FH: variants seen among roughly 807,000 people sequenced by gnomAD.
FH encodes fumarate hydratase.
Under a neutral mutation model 49.4 loss-of-function variants are expected in FH, and 22 were observed. That is an observed-to-expected ratio of 0.45 (90% CI 0.32 to 0.64). FH has a LOEUF of 0.64. Ranked by LOEUF, FH falls within the 30% of genes least tolerant of loss-of-function variation. FH has a pLI of 0.05. For synonymous variants in FH, 208 were observed against 223.0 expected (o/e 0.93, Z 0.60); for missense variants, 526 against 641.5 (o/e 0.82, Z 1.95).
At chr1:241,509,041 G>A (rs889482918) in intron 4 of FH, among the ~76,000 whole-genome samples, 1 of 148,564 alleles carries the variant, frequency 6.7e-6, no homozygotes, top group African/African-American at 2.5e-5. Context: ...TATGTATTAC[G>A]TATTATATTA....
chr1:241,511,879 G>A (rs1170048930), intron 4 of FH, 88 bp downstream of exon 4: 2 of 1,307,352 alleles, frequency 1.5e-6, no homozygotes, highest in Non-Finnish European at 2.2e-6. Context: ...AACACTTCTT[G>A]TCAAAAAGTG....
intron 3 of FH, among the ~76,000 whole-genome samples, chr1:241,513,088 CATATAA>C (rs1272665300): frequency 3.9e-5 from 6 of 151,948 alleles, no homozygotes; most frequent in Non-Finnish European, 5.9e-5. Flanking sequence ...TATAATTTAC[CATATAA>C]ATATAATTTA....
At position 241,513,561 on chromosome 1, in the gene FH, T is replaced by G. The variant is rs141270774; in HGVS notation, c.378+42A>C. The G allele has an allele frequency of 2.9e-6, 4 of 1,392,250 alleles. No homozygotes were observed. The South Asian group carries it at 4.6e-5, about 16-fold the overall frequency. The allele number at this position is 1,392,250 out of a possible 1,614,324, so 86.2% of individuals were successfully genotyped here. A position where few individuals can be genotyped will look rare whatever the true frequency, so the allele number is the denominator to read the frequency against. On this transcript the variant is annotated intron_variant, in intron 3 of 9. Coordinates refer to ENST00000366560, the MANE Select transcript of FH (RefSeq NM_000143.4). ...GCATATCGTCATCCAGAGTATGGCA[T>G]GGGTCTGAGGTTATTAAGCAAACAC... is the stretch of plus-strand genomic sequence containing the variant.
At chr1:241,501,735 T>C (rs1476597656) in intron 8 of FH, among the ~76,000 whole-genome samples, 1 of 152,202 alleles carries the variant, frequency 6.6e-6, no homozygotes, top group African/African-American at 2.4e-5. Context: ...CTATAACACT[T>C]TGTCCAAATG....
chr1:241,511,963 TG>T lies in FH; in HGVS notation c.555+3del, dbSNP rs1553341583. On this transcript the variant is annotated splice_donor_region_variant and intron_variant, in intron 4 of 9. Transcript: ENST00000366560. ...CCAAAAAACAGCAAAGCTCACATAC[TG>T]ACCTGGCTTTTATTAACATGATCGT... 1 of 1,613,856 alleles carries T rather than the reference TG, an allele frequency of 6.2e-7. No homozygotes were observed. The highest frequency in any genetic ancestry group is 1.7e-5 in the Admixed American group (1 of 60,024).
chr1:241,507,247 T>C (rs536036782), intron 5 of FH, among the ~76,000 whole-genome samples: 1 of 152,302 alleles, frequency 6.6e-6, no homozygotes, highest in Non-Finnish European at 1.5e-5. Context: ...TGCAGTAACA[T>C]GCTGCACAGA....
chr1:241,499,462 T>A (rs1486732960), intron 9 of FH, among the ~76,000 whole-genome samples: 2 of 152,214 alleles, frequency 1.3e-5, no homozygotes, highest in Non-Finnish European at 2.9e-5. Context: ...TAATTTTAAA[T>A]GGATCAAACA....
chr1:241,509,805 A>ATG lies in FH; in HGVS notation c.556-1021_556-1020insCA, dbSNP rs2147920371. 2.0e-5 allele frequency among the ~76,000 whole-genome samples: 3 copies of ATG among 151,764 alleles called. No homozygotes were observed. In the South Asian group the frequency reaches 6.2e-4, roughly 32 times the overall value. On this transcript the variant is annotated intron_variant, in intron 4 of 9. Transcript: ENST00000366560. The stretch of plus-strand genomic sequence containing the variant: ...CACACACACACACACACACACACAC[A>ATG]CACACACACACACACACACGCATGC...
intron 4 of FH, among the ~76,000 whole-genome samples, chr1:241,509,922 T>C (rs911514006): frequency 2.0e-5 from 3 of 152,222 alleles, no homozygotes; most frequent in African/African-American, 7.2e-5. Flanking sequence ...ATAAAGTACT[T>C]ACGAAAGAAG....
chr1:241,500,201 A>G (rs1384650461), intron 9 of FH, among the ~76,000 whole-genome samples: 4 of 152,138 alleles, frequency 2.6e-5, no homozygotes, highest in Non-Finnish European at 5.9e-5. Flanking sequence ...TTGAACTACT[A>G]CTTCTCGATA....
intron 8 of FH, 58 bp downstream of exon 8, chr1:241,502,384 CA>C (rs1217759816): frequency 5.6e-6 from 9 of 1,605,132 alleles, no homozygotes; most frequent in Non-Finnish European, 7.7e-6. Flanking sequence ...TTATGAAATA[CA>C]AAACCAAGAT....
chr1:241,504,207 G>C lies in FH; in HGVS notation c.943C>G (p.Leu315Val), dbSNP rs1573880536. ...FVTAPNKFEALAAHDALVELS... is the reference protein window; with the variant it reads ...FVTAPNKFEAVAAHDALVELS... ...TCAACCAGAGCGTCATGAGCAGCCA[G>C]AGCTTCAAATTTATTCGGAGCAGTG... Residue 315 changes from leucine (L) to valine (V), a missense_variant, in exon 7 of 10, where the codon CTG (leucine) becomes GTG (valine). Coordinates refer to ENST00000366560, the MANE Select transcript of FH (RefSeq NM_000143.4). The C allele has an allele frequency of 6.2e-7, 1 of 1,614,182 alleles. No individual in the cohort carries two copies. The highest frequency in any genetic ancestry group is 1.1e-5 in the South Asian group (1 of 91,082).
chr1:241,514,412 G>A (rs996323453), intron 2 of FH, among the ~76,000 whole-genome samples: 2 of 152,150 alleles, frequency 1.3e-5, no homozygotes, highest in Admixed American at 1.3e-4. Flanking sequence ...TATTTTCATT[G>A]TCTATCCCAA....
chr1:241,501,117 G>A (rs1218414483), intron 8 of FH, among the ~76,000 whole-genome samples: 1 of 152,142 alleles, frequency 6.6e-6, no homozygotes, highest in East Asian at 1.9e-4. Context: ...GAATACTCCA[G>A]TCACTGTAAA....
At chr1:241,504,536 G>A (rs1221285354) in intron 6 of FH, among the ~76,000 whole-genome samples, 1 of 151,964 alleles carries the variant, frequency 6.6e-6, no homozygotes, top group Non-Finnish European at 1.5e-5. Flanking sequence ...CAACCTCCAT[G>A]GCTCAGGCAA....
At position 241,497,606 on chromosome 1, in the gene FH, A is replaced by T. The variant is rs1277900426; in HGVS notation, c.*222T>A. ...AGTCAATTAACATAGGAGAAAATTTAAGTCTGTTTTCCTTTTTATTTTATA... is the reference window on the plus strand; with the variant it reads ...AGTCAATTAACATAGGAGAAAATTTTAGTCTGTTTTCCTTTTTATTTTATA... On this transcript the variant is annotated 3_prime_UTR_variant, in exon 10 of 10. Coordinates refer to ENST00000366560, the MANE Select transcript of FH (RefSeq NM_000143.4). 6 of 446,206 alleles carry T rather than the reference A, an allele frequency of 1.3e-5. No homozygotes were observed. The highest frequency in any genetic ancestry group is 2.0e-5 in the Non-Finnish European group (5 of 255,576). 27.6% of individuals were successfully genotyped at this position (446,206 alleles called of 1,614,324 possible). A position where few individuals can be genotyped will look rare whatever the true frequency, so the allele number is the denominator to read the frequency against.
chr1:241,501,605 A>G (rs896743305), intron 8 of FH, among the ~76,000 whole-genome samples: 1 of 152,244 alleles, frequency 6.6e-6, no homozygotes, highest in Admixed American at 6.5e-5. Flanking sequence ...AATGGTACTC[A>G]ATAAATATTT....
At chr1:241,498,692 A>G (rs1573876983) in intron 9 of FH, among the ~76,000 whole-genome samples, 1 of 54,160 alleles carries the variant, frequency 1.8e-5, no homozygotes, top group East Asian at 5.9e-4. Flanking sequence ...AAGCTGTCTT[A>G]ACATATATAT....
Position 241,500,454 on chromosome 1 carries a change from G to A in FH, c.1373C>T (p.Ala458Val), listed in dbSNP as rs758370443. 1 of 1,613,878 alleles carries A rather than the reference G, an allele frequency of 6.2e-7. No homozygotes were observed. Among genetic ancestry groups the A allele is most frequent in the Admixed American group, 1.7e-5 (1 of 60,006 alleles). ...ACACTTACCTATATGAGGATTGAGA[G>A]CTGTCACCAACATTAGAGACTCATT... ...LMNESLMLVT[A>V]LNPHIGYDKA... The change falls in exon 9 of 10, where the codon GCT (alanine) becomes GTT (valine). Residue 458 changes from alanine (A) to valine (V), a missense_variant. Ala to Val is a moderately conservative substitution (Grantham distance 64, BLOSUM62 0). This residue lies in a region of FH where 383 missense variants were observed against 514.0 expected (regional missense o/e 0.75). Transcript: ENST00000366560.
Sources: gnomAD v4.1 joint callset for allele counts (sites outside exome capture counted in the v4.1 genomes callset) on GRCh38, gnomAD v4.1.1 for gene constraint, gnomAD v4.1.1 regional missense constraint, MANE v1.5 for transcripts, NCBI Gene and HGNC (gene_info 2026-07-23, HGNC 2026-07-21) for gene names.